RALYL: variants seen among roughly 807,000 people sequenced by gnomAD.
RALYL encodes RALY RNA binding protein like, also known as RNA-binding Raly-like protein.
RALYL carries 29 observed loss-of-function variants against 35.1 expected under a neutral mutation model. The observed-to-expected ratio is 0.83, with a 90% CI of 0.61 to 1.13. RALYL has a LOEUF of 1.13. RALYL is among the 50% of genes most tolerant of loss of function. RALYL has a pLI of 0.00. For missense variants in RALYL, 359 were observed against 360.4 expected (o/e 1.00, Z 0.03); for synonymous variants, 120 against 127.6 (o/e 0.94, Z 0.40).
At chr8:84,629,027 T>C (rs796422346) in intron 2 of RALYL, among the ~76,000 whole-genome samples, 1 of 152,048 alleles carries the variant, frequency 6.6e-6, no homozygotes, top group Non-Finnish European at 1.5e-5. Flanking sequence ...AAGCACAGCA[T>C]TTAATTACAC....
At position 84,705,821 on chromosome 8, in the gene RALYL, G is replaced by A. The variant is rs1426727153; in HGVS notation, c.257-68758G>A. 2.7e-5 allele frequency: 29 copies of A among 1,074,964 alleles called. 1 individual carries two copies. The highest frequency in any genetic ancestry group is 3.4e-5 in the Non-Finnish European group (27 of 803,326). 66.6% of individuals were successfully genotyped at this position (1,074,964 alleles called of 1,614,324 possible). ...GAAGGAAATACAATTTTCCCTAGAA[G>A]ATTTACATTAAACAGAGTAGTTACA... On this transcript the variant is annotated intron_variant, in intron 2 of 8. Coordinates refer to ENST00000521268, the MANE Select transcript of RALYL (RefSeq NM_173848.7).
intron 4 of RALYL, among the ~76,000 whole-genome samples, chr8:84,846,874 T>C (rs1278844391): frequency 6.6e-6 from 1 of 152,234 alleles, no homozygotes; most frequent in Admixed American, 6.5e-5. Context: ...GTGTCACTGA[T>C]CTTGTTTATT....
chr8:84,480,031 T>G (rs2053877812), intron 1 of RALYL, among the ~76,000 whole-genome samples: 1 of 152,130 alleles, frequency 6.6e-6, no homozygotes, highest in Non-Finnish European at 1.5e-5. Context: ...TTAATCTTGC[T>G]GGAAAAAAGT....
intron 2 of RALYL, among the ~76,000 whole-genome samples, chr8:84,608,464 A>G (rs1229953574): frequency 1.3e-5 from 2 of 152,026 alleles, no homozygotes; most frequent in East Asian, 1.9e-4. Flanking sequence ...AGCTTTTTCT[A>G]TATTTCTGAA....
chr8:84,415,135 C>T (rs1287024330), intron 1 of RALYL, among the ~76,000 whole-genome samples: 1 of 149,506 alleles, frequency 6.7e-6, no homozygotes, highest in Non-Finnish European at 1.5e-5. Flanking sequence ...ACTTAATACT[C>T]CCTTCACTCT....
At chr8:84,234,297 T>A (rs1267626707) in intron 1 of RALYL, among the ~76,000 whole-genome samples, 1 of 152,210 alleles carries the variant, frequency 6.6e-6, no homozygotes, top group African/African-American at 2.4e-5. Flanking sequence ...ATAAAAATGG[T>A]ATCTTTTGTA....
intron 2 of RALYL, among the ~76,000 whole-genome samples, chr8:84,636,925 A>G (rs982944239): frequency 6.6e-6 from 1 of 151,834 alleles, no homozygotes; most frequent in African/African-American, 2.4e-5. Context: ...CTTCACCTAA[A>G]TGGAATAGCT....
intron 1 of RALYL, among the ~76,000 whole-genome samples, chr8:84,231,145 A>G (rs533783520): frequency 1.3e-5 from 2 of 152,316 alleles, no homozygotes; most frequent in East Asian, 1.9e-4. Context: ...AAGAAGTCGT[A>G]TCCTTTCTAC....
intron 1 of RALYL, among the ~76,000 whole-genome samples, chr8:84,270,607 CT>C (rs1834122161): frequency 6.6e-6 from 1 of 150,622 alleles, no homozygotes; most frequent in South Asian, 2.1e-4. Context: ...TTTCACATAT[CT>C]TTCTATAAAA....
chr8:84,764,066 G>A (rs1339228930), intron 2 of RALYL, among the ~76,000 whole-genome samples: 1 of 152,180 alleles, frequency 6.6e-6, no homozygotes, highest in Non-Finnish European at 1.5e-5. Context: ...GAGTTTCCTG[G>A]TAGATGTGGT....
chr8:84,468,301 T>G (rs1262371221), intron 1 of RALYL, among the ~76,000 whole-genome samples: 1 of 152,186 alleles, frequency 6.6e-6, no homozygotes, highest in Non-Finnish European at 1.5e-5. Flanking sequence ...CTTTCCATGT[T>G]TAGTGCTTCT....
intron 1 of RALYL, among the ~76,000 whole-genome samples, chr8:84,229,079 T>A (rs375030918): frequency 6.6e-6 from 1 of 152,230 alleles, no homozygotes; most frequent in African/African-American, 2.4e-5. Context: ...TGGAATTTCA[T>A]CTCTGGCTAT....
intron 2 of RALYL, among the ~76,000 whole-genome samples, chr8:84,594,389 C>A (rs1476496654): frequency 6.6e-6 from 1 of 151,846 alleles, no homozygotes; most frequent in East Asian, 1.9e-4. Context: ...CAGAAATGTT[C>A]TTTCTTTTTT....
At chr8:84,774,825 G>T (rs773301930) in intron 3 of RALYL, among the ~76,000 whole-genome samples, 171 bp downstream of exon 3, 1 of 152,130 alleles carries the variant, frequency 6.6e-6, no homozygotes, top group African/African-American at 2.4e-5. Flanking sequence ...CATTGGCAAG[G>T]ATCTCAATGC....
intron 1 of RALYL, among the ~76,000 whole-genome samples, chr8:84,436,730 C>T (rs1484468644): frequency 6.6e-6 from 1 of 151,340 alleles, no homozygotes; most frequent in Non-Finnish European, 1.5e-5. Flanking sequence ...TGAACATACA[C>T]ATACATCTGT....
chr8:84,388,165 C>T (rs1236048841), intron 1 of RALYL, among the ~76,000 whole-genome samples: 1 of 152,128 alleles, frequency 6.6e-6, no homozygotes, highest in Admixed American at 6.6e-5. Context: ...CTACAAAGGA[C>T]ATGAACTCAT....
chr8:84,469,999 C>T (rs13248010), intron 1 of RALYL, among the ~76,000 whole-genome samples: 2 of 151,960 alleles, frequency 1.3e-5, no homozygotes, highest in African/African-American at 2.4e-5. Context: ...TGCTTCGGCT[C>T]GCGCACGGTG....
rs529260927 is a variant in RALYL, at chr8:84,278,418, T to C, written c.-24+93994T>C. Among the ~76,000 whole-genome samples the C allele has an allele frequency of 4.6e-5, 7 of 152,334 alleles. No individual in the cohort carries two copies. In the South Asian group the frequency reaches 1.4e-3, roughly 32 times the overall value. On this transcript the variant is annotated intron_variant, in intron 1 of 8. Transcript: ENST00000521268. ...GTGATGGGAGGAGCTGCCATGAAGG[T>C]CTGTGGAGACATTTCCCCCATTATC...
chr8:84,508,850 A>AAAACT (rs2057382861), intron 1 of RALYL, among the ~76,000 whole-genome samples: 1 of 117,858 alleles, frequency 8.5e-6, no homozygotes, highest in African/African-American at 3.1e-5. Context: ...AATTATAATA[A>AAAACT]AAACAATCTT....
Sources: gnomAD v4.1 joint callset for allele counts (sites outside exome capture counted in the v4.1 genomes callset) on GRCh38, gnomAD v4.1.1 for gene constraint, MANE v1.5 for transcripts, NCBI Gene and HGNC (gene_info 2026-07-23, HGNC 2026-07-21) for gene names.